The following CADM1 variants were observed in gnomAD, a reference collection of about 807,000 sequenced individuals.
CADM1 encodes cell adhesion molecule 1.
CADM1 carries 15 observed loss-of-function variants against 53.1 expected under a neutral mutation model. The observed-to-expected ratio is 0.28, with a 90% confidence interval of 0.19 to 0.44. The LOEUF (loss-of-function observed/expected upper bound fraction) is 0.44, where lower values mean the gene tolerates loss of function less well. Among genes scored for constraint, CADM1 ranks in the 20% least tolerant of loss-of-function variants. The probability of loss-of-function intolerance (pLI) is 1.00; values close to 1 mark genes in which losing one functional copy is unlikely to be tolerated. For synonymous variants in CADM1, 281 were observed against 243.0 expected (o/e 1.16, Z -1.45); for missense variants, 434 against 611.3 (o/e 0.71, Z 3.06).
chr11:115,501,667 AC>A (rs1366744756), intron 1 of CADM1, among the ~76,000 whole-genome samples: 3 of 152,172 alleles, frequency 2.0e-5, no homozygotes, highest in Non-Finnish European at 2.9e-5. Flanking sequence ...AGAAAACAGA[AC>A]CAGGACCCAC....
intron 1 of CADM1, among the ~76,000 whole-genome samples, chr11:115,292,271 T>G (rs1177262821): frequency 6.6e-6 from 1 of 152,234 alleles, no homozygotes; most frequent in Admixed American, 6.5e-5. Context: ...AAAGTACCTG[T>G]AAGACTGTAT....
At chr11:115,225,649 A>G (rs1941578248) in intron 5 of CADM1, among the ~76,000 whole-genome samples, 1 of 152,202 alleles carries the variant, frequency 6.6e-6, no homozygotes, top group Admixed American at 6.5e-5. Context: ...GTTGCAGCTC[A>G]AGCCTTGTCT....
chr11:115,185,756 G>T (rs1456741142), intron 10 of CADM1, among the ~76,000 whole-genome samples: 1 of 152,176 alleles, frequency 6.6e-6, no homozygotes, highest in Non-Finnish European at 1.5e-5. Context: ...AGGCACTGAG[G>T]ATGACACCAG....
At chr11:115,252,733 C>T (rs1591644454) in intron 1 of CADM1, among the ~76,000 whole-genome samples, 1 of 151,832 alleles carries the variant, frequency 6.6e-6, no homozygotes, top group Admixed American at 6.6e-5. Context: ...GCACCCTTCT[C>T]CCTGTAAAAC....
intron 1 of CADM1, among the ~76,000 whole-genome samples, chr11:115,278,681 T>C (rs372356742): frequency 2.6e-5 from 4 of 152,272 alleles, no homozygotes; most frequent in Admixed American, 1.3e-4. Flanking sequence ...AAGGACTGAA[T>C]GTTGTGTGAT....
chr11:115,475,816 C>T (rs534828235), intron 1 of CADM1, among the ~76,000 whole-genome samples: 1 of 152,220 alleles, frequency 6.6e-6, no homozygotes, highest in South Asian at 2.1e-4. Flanking sequence ...ATGAGGGGAT[C>T]CGGGTGAGTG....
At chr11:115,207,359 G>C (rs1265904828) in intron 8 of CADM1, 1 of 152,158 alleles carries the variant, frequency 6.6e-6, no homozygotes, top group Non-Finnish European at 1.5e-5. Flanking sequence ...TCTGTTAGAG[G>C]TACCTTTGAT....
intron 3 of CADM1, among the ~76,000 whole-genome samples, chr11:115,234,194 C>T (rs759367024): frequency 1.3e-5 from 2 of 152,202 alleles, no homozygotes; most frequent in African/African-American, 2.4e-5. Flanking sequence ...TTCTCCTAAC[C>T]TTCACTACCT....
chr11:115,373,552 C>A (rs535479438), intron 1 of CADM1, among the ~76,000 whole-genome samples: 1 of 133,718 alleles, frequency 7.5e-6, no homozygotes, highest in Admixed American at 8.4e-5. Context: ...CCACTGCAGT[C>A]CAGCCTGGGT....
Position 115,504,371 on chromosome 11 carries a change from G to A in CADM1, c.24C>T (p.Ser8=), listed in dbSNP as rs1344228267. 1.9e-6 allele frequency: 3 copies of A among 1,547,554 alleles called. No individual in the cohort carries two copies. The highest frequency in any genetic ancestry group is 2.6e-6 in the Non-Finnish European group (3 of 1,146,236). ...CCGCTGCCGCCGCACACTGGGATCC[G>A]CTCGGCAGCACTACACTCGCCATGT... MASVVLP[S]GSQCAAAAAA... The change falls in exon 1 of 12, where the codon AGC becomes AGT. Residue 8 remains serine (S), a synonymous_variant. Coordinates refer to ENST00000331581, the MANE Select transcript of CADM1 (RefSeq NM_001301043.2).
chr11:115,369,618 G>C (rs775978478), intron 1 of CADM1, among the ~76,000 whole-genome samples: 3 of 152,110 alleles, frequency 2.0e-5, no homozygotes, highest in Non-Finnish European at 4.4e-5. Context: ...ACAAATTTAA[G>C]GGCATATTGG....
At chr11:115,369,903 T>G (rs1271249295) in intron 1 of CADM1, among the ~76,000 whole-genome samples, 1 of 152,194 alleles carries the variant, frequency 6.6e-6, no homozygotes, top group African/African-American at 2.4e-5. Context: ...CTTAGCACTT[T>G]TTCCTACCAT....
intron 1 of CADM1, among the ~76,000 whole-genome samples, chr11:115,382,293 T>C (rs1946598726): frequency 6.6e-6 from 1 of 152,052 alleles, no homozygotes; most frequent in Admixed American, 6.5e-5. Context: ...ATAATAATAC[T>C]GTTAATATAA....
intron 1 of CADM1, among the ~76,000 whole-genome samples, chr11:115,331,726 T>TA (rs1162791244): frequency 6.8e-6 from 1 of 146,436 alleles, no homozygotes; most frequent in East Asian, 2.0e-4. Flanking sequence ...TCTATACCTG[T>TA]AAGGAAAAAA....
chr11:115,459,614 T>G (rs939070731), intron 1 of CADM1, among the ~76,000 whole-genome samples: 38 of 152,148 alleles, frequency 2.5e-4, no homozygotes, highest in African/African-American at 8.5e-4. Context: ...CTGCTGGCAG[T>G]CCAGTCTAAT....
At chr11:115,492,045 T>C (rs1949509012) in intron 1 of CADM1, among the ~76,000 whole-genome samples, 2 of 152,132 alleles carry the variant, frequency 1.3e-5, no homozygotes, top group African/African-American at 2.4e-5. Flanking sequence ...TGTATACCTA[T>C]GTAACAAACC....
chr11:115,412,169 G>C (rs578013457), intron 1 of CADM1, among the ~76,000 whole-genome samples: 1 of 152,036 alleles, frequency 6.6e-6, no homozygotes, highest in Non-Finnish European at 1.5e-5. Flanking sequence ...GCTTTATGAA[G>C]CAAATTTAAG....
intron 1 of CADM1, among the ~76,000 whole-genome samples, chr11:115,324,124 C>T (rs1328640324): frequency 1.3e-5 from 2 of 152,120 alleles, no homozygotes; most frequent in Non-Finnish European, 2.9e-5. Flanking sequence ...ACTCTTGTTT[C>T]AAACAATGGG....
intron 1 of CADM1, among the ~76,000 whole-genome samples, chr11:115,275,120 C>G (rs370785384): frequency 6.6e-6 from 1 of 152,222 alleles, no homozygotes; most frequent in African/African-American, 2.4e-5. Flanking sequence ...CCCCACATTG[C>G]GCCACTGCCC....
Sources: gnomAD v4.1 joint callset for allele counts (sites outside exome capture counted in the v4.1 genomes callset) on GRCh38, gnomAD v4.1.1 for gene constraint, MANE v1.5 for transcripts, NCBI Gene and HGNC (gene_info 2026-07-23, HGNC 2026-07-21) for gene names.